The following PSMD14 variants were observed in gnomAD, a reference collection of about 807,000 sequenced individuals.
The protein encoded by PSMD14 is proteasome 26S subunit, non-ATPase 14, also known as ubiquitin C-terminal hydrolase PSMD14.
Under a neutral mutation model 41.2 loss-of-function variants are expected in PSMD14, and 7 were observed. The ratio of observed to expected loss-of-function variants is 0.17; its 90% confidence interval spans 0.10 to 0.32. The LOEUF (loss-of-function observed/expected upper bound fraction) is 0.32. Among genes scored for constraint, PSMD14 ranks in the 10% least tolerant of loss-of-function variants. The probability of loss-of-function intolerance (pLI) is 1.00; values close to 1 mark genes in which losing one functional copy is unlikely to be tolerated. For synonymous variants in PSMD14, 114 were observed against 122.3 expected (o/e 0.93, Z 0.45); for missense variants, 139 against 375.6 (o/e 0.37, Z 5.21).
chr2:161,389,899 T>TTTTTG (rs1683688854), intron 8 of PSMD14, among the ~76,000 whole-genome samples: 1 of 110,466 alleles, frequency 9.1e-6, no homozygotes. Context: ...GTTTTTTTTT[T>TTTTTG]TTTTTTTTTT....
At chr2:161,382,484 GAGGT>G (rs1423775214) in intron 7 of PSMD14, 3 of 151,816 alleles carry the variant, frequency 2.0e-5, no homozygotes, top group Non-Finnish European at 4.4e-5. Flanking sequence ...AGGAAAGTAA[GAGGT>G]TTCCCTAAGC....
At chr2:161,329,169 A>G (rs1435257618) in intron 3 of PSMD14, among the ~76,000 whole-genome samples, 2 of 152,126 alleles carry the variant, frequency 1.3e-5, no homozygotes, top group African/African-American at 2.4e-5. Flanking sequence ...TCAGACTTAC[A>G]TTTTTAAAGA....
At position 161,360,191 on chromosome 2, in the gene PSMD14, AT is replaced by A. The variant is rs35876321; in HGVS notation, c.49-7271del. The stretch of plus-strand genomic sequence containing the variant: ...CCCCGTAACATATATATATGCATGT[AT>A]TTTTTTTTTTTTTTTGAGACAAGGC... On this transcript the variant is annotated intron_variant, in intron 3 of 11. Transcript: ENST00000409682. Among the ~76,000 whole-genome samples the A allele has an allele frequency of 3.6e-3, 496 of 137,972 alleles. 3 individuals carry two copies. The highest frequency in any genetic ancestry group is 7.2e-3 in the Middle Eastern group (2 of 276). The allele number at this position is 137,972 out of a possible 152,430, so 90.5% of individuals were successfully genotyped here.
chr2:161,346,028 T>A (rs1683037293), intron 3 of PSMD14, among the ~76,000 whole-genome samples: 1 of 152,082 alleles, frequency 6.6e-6, no homozygotes, highest in African/African-American at 2.4e-5. Context: ...ACTACAGTCA[T>A]GTGCCACCAC....
intron 3 of PSMD14, among the ~76,000 whole-genome samples, chr2:161,325,435 C>T (rs1682681165): frequency 6.6e-6 from 1 of 152,010 alleles, no homozygotes; most frequent in South Asian, 2.1e-4. Context: ...GTGGTTGGGA[C>T]AGAAATGTTG....
At chr2:161,357,585 G>A (rs960277188) in intron 3 of PSMD14, among the ~76,000 whole-genome samples, 5 of 152,152 alleles carry the variant, frequency 3.3e-5, no homozygotes, top group African/African-American at 1.2e-4. Flanking sequence ...CAAGGGATAT[G>A]TGCATTTTAG....
rs1225360957 is a variant in PSMD14, at chr2:161,316,230, G to C, written c.-137-207G>C. Among the ~76,000 whole-genome samples the C allele has an allele frequency of 2.6e-5, 4 of 152,150 alleles. No homozygotes were observed. The East Asian group carries it at 7.7e-4, about 29-fold the overall frequency. ...TTAGTGTTCATGAGAGAAACATACA[G>C]ATAAAATTTGGATACAGGGTTAATC... On this transcript the variant is annotated intron_variant, in intron 1 of 11. Transcript: ENST00000409682.
rs1683987588 is a variant in PSMD14, at chr2:161,408,777, C to A, written c.772-60C>A. ...GGTCATCATTATTTTTGGTGATTATCCTGCAGTGGGAATAGAGGATTTATA... is the reference window on the plus strand; with the variant it reads ...GGTCATCATTATTTTTGGTGATTATACTGCAGTGGGAATAGAGGATTTATA... On this transcript the variant is annotated intron_variant, in intron 10 of 11. Transcript: ENST00000409682. 17 of 1,295,602 alleles carry A rather than the reference C, an allele frequency of 1.3e-5. No individual in the cohort carries two copies. The South Asian group carries it at 2.1e-4, about 16-fold the overall frequency. 80.3% of individuals were successfully genotyped at this position (1,295,602 alleles called of 1,614,324 possible). A position where few individuals can be genotyped will look rare whatever the true frequency, so the allele number is the denominator to read the frequency against.
chr2:161,404,765 T>C (rs974488365), intron 10 of PSMD14, among the ~76,000 whole-genome samples: 3 of 152,218 alleles, frequency 2.0e-5, no homozygotes, highest in Non-Finnish European at 4.4e-5. Flanking sequence ...ACCTTTGAAC[T>C]TCTGAAGTCT....
chr2:161,331,090 C>T (rs1682782707), intron 3 of PSMD14, among the ~76,000 whole-genome samples: 1 of 152,124 alleles, frequency 6.6e-6, no homozygotes, highest in African/African-American at 2.4e-5. Flanking sequence ...TAGTAGAATA[C>T]ATTTTTGTTG....
intron 10 of PSMD14, among the ~76,000 whole-genome samples, chr2:161,403,141 C>T (rs1241886506): frequency 6.6e-6 from 1 of 152,054 alleles, no homozygotes; most frequent in Non-Finnish European, 1.5e-5. Context: ...GGAGACAATC[C>T]AAATGTCTAT....
At chr2:161,367,973 TA>T in intron 5 of PSMD14, 70 bp downstream of exon 5, 1 of 1,492,560 alleles carries the variant, frequency 6.7e-7, no homozygotes, top group Non-Finnish European at 9.0e-7. Flanking sequence ...CTATGCAAAC[TA>T]ACTCTCATCA....
At chr2:161,406,261 T>C (rs775873141) in intron 10 of PSMD14, among the ~76,000 whole-genome samples, 3 of 152,180 alleles carry the variant, frequency 2.0e-5, no homozygotes, top group Non-Finnish European at 4.4e-5. Flanking sequence ...CAAGGATTTC[T>C]TAGAGCTGTG....
intron 3 of PSMD14, among the ~76,000 whole-genome samples, chr2:161,350,081 A>G (rs1204120845): frequency 6.6e-6 from 1 of 152,222 alleles, no homozygotes; most frequent in East Asian, 1.9e-4. Flanking sequence ...TAACATTTTT[A>G]AAGAAATGTT....
chr2:161,375,834 C>T (rs553406215), intron 7 of PSMD14, among the ~76,000 whole-genome samples: 6 of 151,432 alleles, frequency 4.0e-5, no homozygotes, highest in South Asian at 2.1e-4. Context: ...GAGTTTGAGA[C>T]GAGCCTGTGC....
intron 8 of PSMD14, among the ~76,000 whole-genome samples, chr2:161,389,647 A>G (rs1477738107): frequency 2.0e-5 from 3 of 151,906 alleles, no homozygotes; most frequent in East Asian, 1.9e-4. Flanking sequence ...ATATTTTAAT[A>G]CTCATTGGAG....
chr2:161,355,799 G>T (rs1419680583), intron 3 of PSMD14, among the ~76,000 whole-genome samples: 4 of 152,150 alleles, frequency 2.6e-5, no homozygotes, highest in Non-Finnish European at 5.9e-5. Context: ...GTATCCCAAG[G>T]TTAAGATGAT....
At chr2:161,354,265 G>T (rs1166075143) in intron 3 of PSMD14, among the ~76,000 whole-genome samples, 2 of 151,988 alleles carry the variant, frequency 1.3e-5, no homozygotes, top group Non-Finnish European at 2.9e-5. Context: ...GGGGGTTGGT[G>T]GAGACAGAGT....
chr2:161,406,356 T>A (rs1683947345), intron 10 of PSMD14, among the ~76,000 whole-genome samples: 1 of 152,154 alleles, frequency 6.6e-6, no homozygotes, highest in South Asian at 2.1e-4. Context: ...GCCACAAACA[T>A]TTTCAGTGCT....
Sources: allele counts gnomAD v4.1 joint callset (sites outside exome capture counted in the v4.1 genomes callset), GRCh38; gene constraint gnomAD v4.1.1; transcripts MANE v1.5; gene names NCBI Gene and HGNC (gene_info 2026-07-23, HGNC 2026-07-21).